Variants in AOPEP observed in about 807,000 individuals in gnomAD.
AOPEP encodes aminopeptidase O.
AOPEP carries 77 observed loss-of-function variants against 98.1 expected under a neutral mutation model. That is an observed-to-expected ratio of 0.78 (90% CI 0.65 to 0.95). The LOEUF is 0.95. Ranked by LOEUF, AOPEP falls within the 40% of genes least tolerant of loss-of-function variation. The pLI, the probability that AOPEP is intolerant of heterozygous loss-of-function variation, is 0.00. For missense variants in AOPEP, 1,024 were observed against 1,024.7 expected (o/e 1.00, Z 0.01); for synonymous variants, 346 against 365.3 (o/e 0.95, Z 0.60).
At chr9:94,999,920 T>A (rs2061455133) in intron 11 of AOPEP, among the ~76,000 whole-genome samples, 1 of 152,222 alleles carries the variant, frequency 6.6e-6, no homozygotes, top group South Asian at 2.1e-4. Flanking sequence ...ACATGTTCCC[T>A]CAGTTGATCT....
intron 13 of AOPEP, 124 bp downstream of exon 13, chr9:95,005,740 A>C: frequency 1.4e-6 from 1 of 723,658 alleles, no homozygotes; most frequent in Non-Finnish European, 2.4e-6. Context: ...TAAACCATAG[A>C]TTTAATATAT....
intron 3 of AOPEP, among the ~76,000 whole-genome samples, chr9:94,791,755 T>C (rs1005382303): frequency 6.6e-6 from 1 of 152,094 alleles, no homozygotes; most frequent in African/African-American, 2.4e-5. Context: ...ACACTAAACC[T>C]ACCCCTACCC....
At chr9:94,941,086 C>T (rs968558497) in intron 7 of AOPEP, among the ~76,000 whole-genome samples, 2 of 152,214 alleles carry the variant, frequency 1.3e-5, no homozygotes, top group Non-Finnish European at 2.9e-5. Context: ...TCAAGCAAAT[C>T]GCTAGAGGTA....
chr9:95,086,396 T>C, intron 16 of AOPEP: 1 of 985,350 alleles, frequency 1.0e-6, no homozygotes, highest in South Asian at 4.7e-5. Context: ...TGAGACTTTC[T>C]GAGAACAGTT....
At chr9:95,124,556 T>G in the AOPEP span, among the ~76,000 whole-genome samples, 1 of 152,108 alleles carries the variant, frequency 6.6e-6, no homozygotes, top group African/African-American at 2.4e-5. Context: ...CCTTCCTCAC[T>G]CCCCTTCTAG....
the AOPEP span, among the ~76,000 whole-genome samples, chr9:95,112,971 C>T: frequency 0.011 from 1,608 of 152,314 alleles, 28 homozygotes; most frequent in African/African-American, 0.037. Context: ...AAGAGAAAAA[C>T]ACCCAGGGCA....
chr9:94,810,446 A>C (rs921632576), intron 5 of AOPEP, among the ~76,000 whole-genome samples: 13 of 151,368 alleles, frequency 8.6e-5, no homozygotes, highest in Non-Finnish European at 1.8e-4. Flanking sequence ...TCCCGAGTAG[A>C]TGAGATTACA....
intron 7 of AOPEP, among the ~76,000 whole-genome samples, chr9:94,939,360 T>C (rs1460648464): frequency 1.3e-5 from 2 of 152,168 alleles, no homozygotes; most frequent in African/African-American, 4.8e-5. Flanking sequence ...CTGTGAAGTT[T>C]GTGAGTCTTT....
Position 94,933,726 on chromosome 9 carries a change from C to T in AOPEP, c.1661+5195C>T. Reference sequence around the variant, plus strand: ...GTACATTCCACTTAAAATAGGAAGCCTTTTTTTATTTTTATTTATTTTTTT... The same window carrying T: ...GTACATTCCACTTAAAATAGGAAGCTTTTTTTTATTTTTATTTATTTTTTT... On this transcript the variant is annotated intron_variant, in intron 7 of 16. Transcript: ENST00000375315. 6 of 923,006 alleles carry T rather than the reference C, an allele frequency of 6.5e-6. No homozygotes were observed. The South Asian group carries it at 3.0e-4, about 46-fold the overall frequency. 57.2% of individuals were successfully genotyped at this position (923,006 alleles called of 1,614,324 possible).
At chr9:94,900,234 A>G (rs111440318) in intron 5 of AOPEP, among the ~76,000 whole-genome samples, 11 of 152,356 alleles carry the variant, frequency 7.2e-5, no homozygotes, top group African/African-American at 2.6e-4. Context: ...AGGAAGTGGT[A>G]AAAGACCCTT....
the AOPEP span, among the ~76,000 whole-genome samples, chr9:95,138,466 T>C: frequency 1.3e-5 from 2 of 152,070 alleles, no homozygotes; most frequent in Non-Finnish European, 2.9e-5. Context: ...GTGGAGAGGG[T>C]GCTCGTAGCT....
intron 5 of AOPEP, among the ~76,000 whole-genome samples, chr9:94,901,572 A>C: frequency 6.6e-6 from 1 of 152,088 alleles, no homozygotes; most frequent in Non-Finnish European, 1.5e-5. Context: ...GCCACAAGAG[A>C]AAAAACAAAA....
At chr9:94,843,328 T>C (rs1488657294) in intron 5 of AOPEP, among the ~76,000 whole-genome samples, 1 of 152,236 alleles carries the variant, frequency 6.6e-6, no homozygotes, top group Non-Finnish European at 1.5e-5. Flanking sequence ...ACTTCAGGAA[T>C]GTCATGCTTT....
Position 94,817,008 on chromosome 9 carries a change from C to CT in AOPEP, c.1364+16014dup, listed in dbSNP as rs948518170. On this transcript the variant is annotated intron_variant, in intron 5 of 16. Coordinates refer to ENST00000375315, the MANE Select transcript of AOPEP (RefSeq NM_001193329.3). Reference sequence around the variant, plus strand: ...TTACCATTGTACTGCATTCTGTTTCCTTTTTTTTCCTTTTAGGATCTCACT... The same window carrying CT: ...TTACCATTGTACTGCATTCTGTTTCCTTTTTTTTTCCTTTTAGGATCTCACT... Among the ~76,000 whole-genome samples the CT allele has an allele frequency of 3.2e-4, 48 of 152,024 alleles. 1 individual carries two copies. Among genetic ancestry groups the CT allele is most frequent in the African/African-American group, 1.1e-3 (45 of 41,482 alleles).
rs141561457 is a variant in AOPEP, at chr9:95,059,159, A to G, written c.2116-1535A>G. 2.6e-3 allele frequency among the ~76,000 whole-genome samples: 390 copies of G among 152,328 alleles called. 1 individual carries two copies. The highest frequency in any genetic ancestry group is 9.1e-3 in the African/African-American group (380 of 41,580). ...ATTTGATATCTTTAAAACATGCTGC[A>G]ATTACTTGACTTCTCATGAAAAGAA... On this transcript the variant is annotated intron_variant, in intron 13 of 16. Transcript: ENST00000375315.
At chr9:94,967,690 C>T in intron 9 of AOPEP, 68 bp from the exon 10 acceptor site, 9 of 1,373,472 alleles carry the variant, frequency 6.6e-6, no homozygotes, top group Non-Finnish European at 9.4e-6. Flanking sequence ...CACTCAGCCT[C>T]TGGCATGGTT....
intron 5 of AOPEP, chr9:94,900,517 C>G (rs1395459467): frequency 6.6e-6 from 1 of 152,260 alleles, no homozygotes. Flanking sequence ...ATGCTTCCCC[C>G]TCTCTCAGGA....
chr9:95,094,014 C>T, the AOPEP span, among the ~76,000 whole-genome samples: 4 of 152,274 alleles, frequency 2.6e-5, no homozygotes, highest in South Asian at 4.2e-4. Flanking sequence ...CTTGCTTGCA[C>T]GCAGGCTTTT....
chr9:95,052,524 T>C (rs933052807), intron 13 of AOPEP, among the ~76,000 whole-genome samples: 1 of 152,230 alleles, frequency 6.6e-6, no homozygotes, highest in African/African-American at 2.4e-5. Flanking sequence ...GATTGCCTAT[T>C]TGTCCATATG....
Sources: gnomAD v4.1 joint callset for allele counts (sites outside exome capture counted in the v4.1 genomes callset) on GRCh38, gnomAD v4.1.1 for gene constraint, MANE v1.5 for transcripts, NCBI Gene and HGNC (gene_info 2026-07-23, HGNC 2026-07-21) for gene names.